The following DYNC1H1 variants were observed in gnomAD, a reference collection of about 807,000 sequenced individuals.
DYNC1H1 encodes dynein cytoplasmic 1 heavy chain 1, also known as cytoplasmic dynein 1 heavy chain 1.
A neutral mutation model predicts 527.1 loss-of-function variants in DYNC1H1; 51 were observed. That is an observed-to-expected ratio of 0.10 (90% CI 0.08 to 0.12). DYNC1H1 has a LOEUF of 0.12. DYNC1H1 is among the 10% of genes least tolerant of loss of function. The probability of loss-of-function intolerance (pLI) is 1.00; values close to 1 mark genes in which losing one functional copy is unlikely to be tolerated. For synonymous variants in DYNC1H1, 2,189 were observed against 2,278.8 expected (o/e 0.96, Z 1.12); for missense variants, 2,771 against 5,971.8 (o/e 0.46, Z 17.66).
At chr14:102,024,349 C>T (rs560604541) in intron 43 of DYNC1H1, among the ~76,000 whole-genome samples, 5 of 152,182 alleles carry the variant, frequency 3.3e-5, no homozygotes, top group African/African-American at 9.7e-5. Context: ...AGGTGATAGA[C>T]GTGAGTAAGA....
At chr14:102,021,656 CTTTT>C (rs757880988) in intron 42 of DYNC1H1, among the ~76,000 whole-genome samples, 2 of 119,824 alleles carry the variant, frequency 1.7e-5, no homozygotes, top group Non-Finnish European at 3.4e-5. Flanking sequence ...TTTTCTTTTT[CTTTT>C]TTTTTTTTTT....
intron 34 of DYNC1H1, among the ~76,000 whole-genome samples, chr14:102,013,723 T>C (rs551997298): frequency 8.7e-4 from 133 of 152,190 alleles, no homozygotes; most frequent in African/African-American, 3.2e-3. Context: ...TGTATGTCCA[T>C]GAAGATCCGT....
Position 102,017,744 on chromosome 14 carries a change from A to T in DYNC1H1, c.8177+240A>T, listed in dbSNP as rs1456265445. 6.6e-6 allele frequency: 4 copies of T among 608,848 alleles called. No individual in the cohort carries two copies. Among genetic ancestry groups the T allele is most frequent in the Non-Finnish European group, 8.2e-6 (3 of 364,512 alleles). The allele number at this position is 608,848 out of a possible 1,614,324, so 37.7% of individuals were successfully genotyped here. The stretch of plus-strand genomic sequence containing the variant: ...CACTTTGGGAGGCCGAGGCGGGCGG[A>T]TCACGAGGTCAGGAGATTGAGACCA... On this transcript the variant is annotated intron_variant, in intron 40 of 77. Transcript: ENST00000360184. The surrounding 1 kb of genome is among the most constrained non-coding windows in gnomAD (Gnocchi z 4.6).
At chr14:102,048,169 C>A in intron 73 of DYNC1H1, 141 bp downstream of exon 73, 1 of 1,101,588 alleles carries the variant, frequency 9.1e-7, no homozygotes, top group Non-Finnish European at 1.3e-6. Context: ...AGCAGGTGTC[C>A]AGCTGAGCCC....
At position 102,006,602 on chromosome 14, in the gene DYNC1H1, T is replaced by A. The variant is rs1246949367; in HGVS notation, c.5717-406T>A. Among the ~76,000 whole-genome samples, 5 of 151,512 alleles carry A rather than the reference T, an allele frequency of 3.3e-5. No individual in the cohort carries two copies. In the South Asian group the frequency reaches 8.4e-4, roughly 25 times the overall value. On this transcript the variant is annotated intron_variant, in intron 27 of 77. Transcript: ENST00000360184. ...AAATTTGTTTGCATTTATTACTACTTTGATTTTTTTTTTTTTGAGATGGAG... is the reference window on the plus strand; with the variant it reads ...AAATTTGTTTGCATTTATTACTACTATGATTTTTTTTTTTTTGAGATGGAG...
chr14:101,974,214 C>G (rs1200475933), intron 1 of DYNC1H1, among the ~76,000 whole-genome samples: 1 of 152,208 alleles, frequency 6.6e-6, no homozygotes, highest in Non-Finnish European at 1.5e-5. Context: ...ATTCGCCTGC[C>G]TCAGCTTCCC....
Position 102,040,445 on chromosome 14 carries a change from T to A in DYNC1H1, c.11865+35T>A, listed in dbSNP as rs978300168. On this transcript the variant is annotated intron_variant, in intron 63 of 77. Coordinates refer to ENST00000360184, the MANE Select transcript of DYNC1H1 (RefSeq NM_001376.5). ...CTCTTGAATGTTCCCAGTAGGTAAA[T>A]GTTGGCCTTTTCCCAGGAAATGTAA... 2.5e-6 allele frequency: 4 copies of A among 1,613,906 alleles called. No individual in the cohort carries two copies. The African/African-American group carries it at 5.3e-5, about 22-fold the overall frequency.
chr14:102,008,459 C>T, intron 29 of DYNC1H1, 122 bp downstream of exon 29: 2 of 1,338,226 alleles, frequency 1.5e-6, no homozygotes, highest in Non-Finnish European at 2.1e-6. Context: ...CTCACTGTTA[C>T]AGGCAGTGTA....
In DYNC1H1 at chr14:102,040,891, C is replaced by G. The variant is rs147667984; in HGVS notation, c.11941+218C>G. On this transcript the variant is annotated intron_variant, in intron 64 of 77. Transcript: ENST00000360184. ...GGAAGGTCACTTGAGCCTGGGAGGT[C>G]GAGGTTGTGTGAGCTGTGATTGCAC... is the stretch of plus-strand genomic sequence containing the variant. 73 of 606,062 alleles carry G rather than the reference C, an allele frequency of 1.2e-4. No homozygotes were observed. The East Asian group carries it at 2.1e-3, about 18-fold the overall frequency. 37.5% of individuals were successfully genotyped at this position (606,062 alleles called of 1,614,324 possible).
intron 1 of DYNC1H1, among the ~76,000 whole-genome samples, chr14:101,967,166 C>T (rs1039883761): frequency 1.3e-5 from 2 of 152,238 alleles, no homozygotes; most frequent in African/African-American, 4.8e-5. Flanking sequence ...TACACTAGGA[C>T]ACCTTAGATA....
At chr14:102,008,052 C>A in intron 28 of DYNC1H1, 126 bp from the exon 29 acceptor site, 1 of 1,348,464 alleles carries the variant, frequency 7.4e-7, no homozygotes, top group Non-Finnish European at 1.0e-6. Flanking sequence ...TGTCCTTACA[C>A]GCTCTTTCGC....
intron 2 of DYNC1H1, among the ~76,000 whole-genome samples, chr14:101,976,325 G>A (rs893693170): frequency 2.0e-5 from 3 of 151,240 alleles, no homozygotes; most frequent in African/African-American, 7.3e-5. Flanking sequence ...GGCAGATCAC[G>A]TGAAGTTGGG....
In DYNC1H1 at chr14:102,034,456, T is replaced by C. The variant is rs772226463; in HGVS notation, c.10754+4T>C. 1 of 1,612,540 alleles carries C rather than the reference T, an allele frequency of 6.2e-7. No individual in the cohort carries two copies. The highest frequency in any genetic ancestry group is 1.1e-5 in the South Asian group (1 of 91,014). On this transcript the variant is annotated splice_donor_region_variant and intron_variant, in intron 56 of 77. Coordinates refer to ENST00000360184, the MANE Select transcript of DYNC1H1 (RefSeq NM_001376.5). ...TCATGCTGAAACGATTCAATAGGTA[T>C]GAGCTCGGGTGCCAAGGAGAGGCAT... is the stretch of plus-strand genomic sequence containing the variant.
chr14:101,996,178 G>C (rs1430698655), intron 15 of DYNC1H1, among the ~76,000 whole-genome samples: 1 of 149,786 alleles, frequency 6.7e-6, no homozygotes, highest in Non-Finnish European at 1.5e-5. Context: ...CACCCAGGTT[G>C]GGGTACAGTG....
At chr14:102,040,141 G>T in intron 62 of DYNC1H1, 95 bp from the exon 63 acceptor site, 1 of 1,538,646 alleles carries the variant, frequency 6.5e-7, no homozygotes, top group Non-Finnish European at 8.9e-7. Context: ...CACTGTGCCC[G>T]GCCTGTTTTC....
At position 102,010,800 on chromosome 14, in the gene DYNC1H1, C is replaced by A; in HGVS notation, c.6466C>A (p.Leu2156Met). 1 of 1,614,044 alleles carries A rather than the reference C, an allele frequency of 6.2e-7. No individual in the cohort carries two copies. The highest frequency in any genetic ancestry group is 8.5e-7 in the Non-Finnish European group (1 of 1,180,002). ...AAAGCTGGTGGCAGAGGACATCCCG[C>A]TGCTCTTCAGCCTCCTGTCGGACGT... ...VPKLVAEDIPLLFSLLSDVFP... is the reference protein window; with the variant it reads ...VPKLVAEDIPMLFSLLSDVFP... The change falls in exon 32 of 78, where the codon CTG becomes ATG. Residue 2156 changes from leucine to methionine, a missense_variant. Around this residue, in one of 32 missense-constraint regions of DYNC1H1, gnomAD observed 56 missense variants for 140.6 expected, o/e 0.40. Transcript: ENST00000360184. The surrounding 1 kb of genome is among the most constrained non-coding windows in gnomAD (Gnocchi z 6.0).
intron 42 of DYNC1H1, among the ~76,000 whole-genome samples, chr14:102,022,516 A>C (rs965291336): frequency 1.5e-4 from 23 of 152,064 alleles, no homozygotes; most frequent in Non-Finnish European, 3.1e-4. Context: ...AAAAAAAAAA[A>C]AAAAAGTGAG....
In DYNC1H1 at chr14:101,995,244, A is replaced by C; in HGVS notation, c.3508A>C (p.Ile1170Leu). The C allele has an allele frequency of 6.2e-7, 1 of 1,614,236 alleles. No individual in the cohort carries two copies. Among genetic ancestry groups the C allele is most frequent in the Non-Finnish European group, 8.5e-7 (1 of 1,180,048 alleles). Residue 1170 changes from isoleucine (I) to leucine (L), a missense_variant, in exon 15 of 78, where the codon ATC (isoleucine) becomes CTC (leucine). This residue lies in a region of DYNC1H1 where 223 missense variants were observed against 462.5 expected (regional missense o/e 0.48). Transcript: ENST00000360184. ...CAGCACCTCCGATGCAGTGACCTTC[A>C]TCACCTATGTGCAGTCTTTGAAACG... ...TASTSDAVTF[I>L]TYVQSLKRKI...
At chr14:102,040,502 T>C (rs1318349379) in intron 63 of DYNC1H1, 92 bp downstream of exon 63, 1 of 1,612,342 alleles carries the variant, frequency 6.2e-7, no homozygotes, top group Non-Finnish European at 8.5e-7. Context: ...CCCAGAATGT[T>C]GTGTCTGCGC....
Sources: gnomAD v4.1 joint callset for allele counts (sites outside exome capture counted in the v4.1 genomes callset) on GRCh38, gnomAD v4.1.1 for gene constraint, gnomAD v4.1.1 regional missense constraint, Gnocchi (gnomAD v3.1) non-coding constraint, MANE v1.5 for transcripts, NCBI Gene and HGNC (gene_info 2026-07-23, HGNC 2026-07-21) for gene names.